PSAT1: variants seen among roughly 807,000 people sequenced by gnomAD.
The protein encoded by PSAT1 is phosphoserine aminotransferase 1.
PSAT1 carries 41 observed loss-of-function variants against 40.3 expected under a neutral mutation model. The observed-to-expected ratio is 1.02, with a 90% confidence interval of 0.79 to 1.32. The LOEUF (loss-of-function observed/expected upper bound fraction) is 1.32, where lower values mean the gene tolerates loss of function less well. PSAT1 is among the 40% of genes most tolerant of loss of function. PSAT1 has a pLI of 0.00. For synonymous variants in PSAT1, 147 were observed against 170.5 expected, an observed-to-expected ratio of 0.86 and a Z score of 1.07; for missense variants, 406 against 455.8, an observed-to-expected ratio of 0.89 and a Z score of 0.99.
intron 7 of PSAT1, among the ~76,000 whole-genome samples, chr9:78,322,480 G>A (rs1217459682): frequency 6.6e-6 from 1 of 152,138 alleles, no homozygotes; most frequent in Non-Finnish European, 1.5e-5. Context: ...TGCTGTCTAT[G>A]TCCAGGAGTG....
chr9:78,299,758 G>A (rs1223883815), intron 1 of PSAT1, among the ~76,000 whole-genome samples: 1 of 152,034 alleles, frequency 6.6e-6, no homozygotes, highest in Non-Finnish European at 1.5e-5. Context: ...TGATCTGCCC[G>A]CCTTGGCCTC....
At chr9:78,327,913 G>GCA in intron 7 of PSAT1, 138 bp from the exon 8 acceptor site, 1 of 860,722 alleles carries the variant, frequency 1.2e-6, no homozygotes. Flanking sequence ...ATGTGCTGGG[G>GCA]CAGATTTTTT....
At chr9:78,325,934 T>C (rs1335880989) in intron 7 of PSAT1, among the ~76,000 whole-genome samples, 1 of 152,226 alleles carries the variant, frequency 6.6e-6, no homozygotes, top group East Asian at 1.9e-4. Context: ...TTTTTTTCTG[T>C]TAAGTTAAAT....
intron 7 of PSAT1, 129 bp from the exon 8 acceptor site, chr9:78,327,922 T>A: frequency 1.0e-6 from 1 of 969,340 alleles, no homozygotes; most frequent in Non-Finnish European, 1.6e-6. Flanking sequence ...GGCAGATTTT[T>A]TGTTTTTTGT....
In PSAT1 at chr9:78,329,335, C is replaced by T. The variant is rs962678923; in HGVS notation, c.*249C>T. ...TCTTGTTGCTTTTCTAACAAATTCC[C>T]GCGTATTTTGCCTTTGCTGCTACTT... On this transcript the variant is annotated 3_prime_UTR_variant, in exon 9 of 9. Transcript: ENST00000376588. 1.8e-5 allele frequency: 9 copies of T among 488,070 alleles called. No homozygotes were observed. Among genetic ancestry groups the T allele is most frequent in the East Asian group, 1.2e-4 (3 of 26,056 alleles). 30.2% of individuals were successfully genotyped at this position (488,070 alleles called of 1,614,324 possible). A position where few individuals can be genotyped will look rare whatever the true frequency, so the allele number is the denominator to read the frequency against.
intron 7 of PSAT1, among the ~76,000 whole-genome samples, chr9:78,319,470 C>T (rs919169436): frequency 4.6e-5 from 7 of 152,212 alleles, no homozygotes; most frequent in Non-Finnish European, 1.0e-4. Flanking sequence ...TTCTCTGGTT[C>T]TGTGCAACAG....
Position 78,317,737 on chromosome 9 carries a change from G to A in PSAT1, c.802G>A (p.Glu268Lys). 6 of 1,613,736 alleles carry A rather than the reference G, an allele frequency of 3.7e-6. No homozygotes were observed. Among genetic ancestry groups the A allele is most frequent in the Non-Finnish European group, 4.2e-6 (5 of 1,179,772 alleles). The change falls in exon 7 of 9, where the codon GAG becomes AAG. Residue 268 changes from glutamate (E) to lysine (K), a missense_variant. Coordinates refer to ENST00000376588, the MANE Select transcript of PSAT1 (RefSeq NM_058179.4). ...IKNNGGAAAM[E>K]KLSSIKSQTI... ...AAACAATGGAGGTGCCGCGGCCATG[G>A]AGAAGCTTAGCTCCATCAAATCTCA...
intron 7 of PSAT1, among the ~76,000 whole-genome samples, chr9:78,326,955 ATTT>A (rs1554688170): frequency 1.3e-5 from 1 of 75,934 alleles, no homozygotes; most frequent in Non-Finnish European, 2.1e-5. Flanking sequence ...ATATATATAT[ATTT>A]TTTTTTTTTT....
At chr9:78,317,567 A>G in intron 6 of PSAT1, 109 bp from the exon 7 acceptor site, 1 of 1,300,300 alleles carries the variant, frequency 7.7e-7, no homozygotes, top group Non-Finnish European at 1.1e-6. Flanking sequence ...TCTATTTCAA[A>G]TAATGTGTTT....
Position 78,304,933 on chromosome 9 carries a change from T to G in PSAT1, c.390T>G (p.Ser130Arg). The change falls in exon 4 of 9, where the codon AGT becomes AGG. Residue 130 changes from serine (S) to arginine (R), a missense_variant. Transcript: ENST00000376588. ...TINIVHPKLGSYTKIPDPSTW... is the reference protein window; with the variant it reads ...TINIVHPKLGRYTKIPDPSTW... ...ATATCGTTCACCCTAAACTTGGGAG[T>G]TATACAAGTAAGTTCTGGGAGCTGA... 2 of 1,612,280 alleles carry G rather than the reference T, an allele frequency of 1.2e-6. No individual in the cohort carries two copies. The highest frequency in any genetic ancestry group is 1.7e-6 in the Non-Finnish European group (2 of 1,179,972).
At chr9:78,328,930 T>C (rs538352406) in intron 8 of PSAT1, 51 bp from the exon 9 acceptor site, 1 of 1,428,080 alleles carries the variant, frequency 7.0e-7, no homozygotes, top group Non-Finnish European at 9.9e-7. Context: ...GGTGTTTTGA[T>C]GCGAAATTAG....
intron 6 of PSAT1, among the ~76,000 whole-genome samples, chr9:78,316,546 G>A (rs1426118311): frequency 6.6e-6 from 1 of 152,174 alleles, no homozygotes; most frequent in East Asian, 1.9e-4. Context: ...CTCAGGGAAG[G>A]CCCTGATTGG....
intron 1 of PSAT1, chr9:78,298,251 T>C: frequency 1.0e-6 from 1 of 983,538 alleles, no homozygotes; most frequent in South Asian, 4.7e-5. Context: ...GTCAGGCGGC[T>C]GCCGCCGCCG....
intron 8 of PSAT1, among the ~76,000 whole-genome samples, chr9:78,328,692 T>G (rs1293487179): frequency 6.6e-6 from 1 of 152,216 alleles, no homozygotes; most frequent in Non-Finnish European, 1.5e-5. Flanking sequence ...ATCGCTATCT[T>G]CTTCCAACTT....
chr9:78,299,134 T>C (rs886331423), intron 1 of PSAT1, among the ~76,000 whole-genome samples: 4 of 90,082 alleles, frequency 4.4e-5, no homozygotes, highest in Non-Finnish European at 7.8e-5. Flanking sequence ...AGCAAGACCC[T>C]GTCTCTTAAC....
At chr9:78,320,388 C>T (rs557666760) in intron 7 of PSAT1, among the ~76,000 whole-genome samples, 10 of 151,110 alleles carry the variant, frequency 6.6e-5, no homozygotes, top group South Asian at 4.2e-4. Flanking sequence ...ATTCACCCAC[C>T]CATCCACACA....
intron 1 of PSAT1, among the ~76,000 whole-genome samples, chr9:78,299,224 C>G (rs200749201): frequency 2.7e-5 from 3 of 112,808 alleles, no homozygotes; most frequent in African/African-American, 1.0e-4. Context: ...AAAAAAAAAC[C>G]TACTGGATTA....
intron 7 of PSAT1, among the ~76,000 whole-genome samples, chr9:78,319,173 G>A (rs752895200): frequency 9.2e-5 from 14 of 152,182 alleles, no homozygotes; most frequent in South Asian, 4.1e-4. Context: ...CCGACAAAAC[G>A]ATGCCTCTGT....
At chr9:78,325,546 T>A (rs1828484656) in intron 7 of PSAT1, among the ~76,000 whole-genome samples, 1 of 152,246 alleles carries the variant, frequency 6.6e-6, no homozygotes. Context: ...TTTCTTCTCA[T>A]CTGTTGGAAC....
Sources: allele counts gnomAD v4.1 joint callset (sites outside exome capture counted in the v4.1 genomes callset), GRCh38; gene constraint gnomAD v4.1.1; transcripts MANE v1.5; gene names NCBI Gene and HGNC (gene_info 2026-07-23, HGNC 2026-07-21).